Variants in FSTL4 observed in about 807,000 individuals in gnomAD.
FSTL4 encodes the protein follistatin like 4.
Under a neutral mutation model 78.2 loss-of-function variants are expected in FSTL4, and 28 were observed. The observed-to-expected ratio is 0.36, with a 90% CI of 0.27 to 0.49. The LOEUF (loss-of-function observed/expected upper bound fraction) is 0.49, where lower values mean the gene tolerates loss of function less well. FSTL4 is among the 20% of genes least tolerant of loss of function. FSTL4 has a pLI of 0.98. For missense variants in FSTL4, 922 were observed against 1,084.9 expected (o/e 0.85, Z 2.11); for synonymous variants, 422 against 440.5 (o/e 0.96, Z 0.53).
intron 4 of FSTL4, among the ~76,000 whole-genome samples, chr5:133,344,683 G>A (rs1197492348): frequency 1.3e-5 from 2 of 152,080 alleles, no homozygotes; most frequent in East Asian, 1.9e-4. Flanking sequence ...TAGCACATAC[G>A]TATTCTTCAT....
At chr5:133,617,649 C>A in the FSTL4 span, among the ~76,000 whole-genome samples, 1 of 152,282 alleles carries the variant, frequency 6.6e-6, no homozygotes, top group Non-Finnish European at 1.5e-5. Flanking sequence ...TGAGCTTTCC[C>A]CTTCCCTGCA....
At chr5:133,349,389 G>A (rs1049709578) in intron 4 of FSTL4, among the ~76,000 whole-genome samples, 10 of 151,644 alleles carry the variant, frequency 6.6e-5, no homozygotes, top group Non-Finnish European at 1.0e-4. Flanking sequence ...AGCTTCCAGC[G>A]GTGCAGAAGT....
chr5:133,685,538 T>C, the FSTL4 span, among the ~76,000 whole-genome samples: 1 of 152,226 alleles, frequency 6.6e-6, no homozygotes, highest in Non-Finnish European at 1.5e-5. Context: ...GACAGTGAAG[T>C]GCTGCATTCA....
chr5:133,620,866 G>A, the FSTL4 span, among the ~76,000 whole-genome samples: 1 of 152,210 alleles, frequency 6.6e-6, no homozygotes, highest in African/African-American at 2.4e-5. Flanking sequence ...ATGGAAAACA[G>A]TGCGGAGATT....
intron 7 of FSTL4, among the ~76,000 whole-genome samples, chr5:133,235,371 C>A (rs563275804): frequency 2.6e-5 from 4 of 151,822 alleles, no homozygotes; most frequent in Admixed American, 2.6e-4. Flanking sequence ...TGGAGGCGGG[C>A]GCCTGTAGTC....
the FSTL4 span, among the ~76,000 whole-genome samples, chr5:133,804,453 C>T: frequency 6.6e-6 from 1 of 152,178 alleles, no homozygotes; most frequent in African/African-American, 2.4e-5. Flanking sequence ...GTGAACTTAA[C>T]CTAGTGGGTA....
intron 4 of FSTL4, among the ~76,000 whole-genome samples, chr5:133,372,352 C>A (rs578036223): frequency 1.3e-5 from 2 of 151,956 alleles, no homozygotes; most frequent in Admixed American, 6.6e-5. Context: ...AGTCTTTGCC[C>A]CCTGGAGGTC....
At chr5:133,494,871 A>G (rs1339718163) in intron 3 of FSTL4, among the ~76,000 whole-genome samples, 1 of 152,240 alleles carries the variant, frequency 6.6e-6, no homozygotes, top group African/African-American at 2.4e-5. Context: ...AAGGCATCTT[A>G]TGCAAATGTT....
At chr5:133,466,945 A>G (rs1757721957) in intron 3 of FSTL4, among the ~76,000 whole-genome samples, 1 of 146,912 alleles carries the variant, frequency 6.8e-6, no homozygotes, top group African/African-American at 2.7e-5. Flanking sequence ...TGAGTGTGTG[A>G]GTACGAGTGA....
intron 14 of FSTL4, among the ~76,000 whole-genome samples, chr5:133,203,876 C>G (rs1468639961): frequency 6.6e-6 from 1 of 152,218 alleles, no homozygotes; most frequent in Non-Finnish European, 1.5e-5. Flanking sequence ...GGCCATTGAA[C>G]TGATGTGGGC....
In FSTL4 at chr5:133,375,291, C is replaced by CATATATATATGTATGTGTATATATAT. The variant is rs67110507; in HGVS notation, c.409+25446_409+25447insATATATATACACATACATATATATAT. The stretch of plus-strand genomic sequence containing the variant: ...AACCCAAAACATAGGGTGTGCATGG[C>CATATATATATGTATGTGTATATATAT]ATATATATATATATATATATAAAAG... On this transcript the variant is annotated intron_variant, in intron 4 of 15. Transcript: ENST00000265342. Among the ~76,000 whole-genome samples, 4 of 57,916 alleles carry CATATATATATGTATGTGTATATATAT rather than the reference C, an allele frequency of 6.9e-5. 1 individual carries two copies. Among genetic ancestry groups the CATATATATATGTATGTGTATATATAT allele is most frequent in the African/African-American group, 1.8e-4 (4 of 22,804 alleles). The allele number at this position is 57,916 out of a possible 152,430, so 38.0% of individuals were successfully genotyped here.
intron 3 of FSTL4, among the ~76,000 whole-genome samples, chr5:133,550,770 A>C (rs1458203889): frequency 6.6e-6 from 1 of 152,258 alleles, no homozygotes; most frequent in African/African-American, 2.4e-5. Context: ...ACACAGAAGG[A>C]GACAACTCTC....
At chr5:133,528,892 C>A (rs1286758939) in intron 3 of FSTL4, among the ~76,000 whole-genome samples, 2 of 152,210 alleles carry the variant, frequency 1.3e-5, no homozygotes, top group Non-Finnish European at 2.9e-5. Context: ...CTATCTCCAG[C>A]CTCTCTTGCC....
chr5:133,750,735 G>A, the FSTL4 span, among the ~76,000 whole-genome samples: 4 of 152,110 alleles, frequency 2.6e-5, no homozygotes, highest in Admixed American at 2.0e-4. Context: ...CCCAGATGTG[G>A]GATCCACTGC....
chr5:133,784,678 T>C, the FSTL4 span, among the ~76,000 whole-genome samples: 1 of 151,896 alleles, frequency 6.6e-6, no homozygotes, highest in Admixed American at 6.6e-5. Flanking sequence ...AAGATTTTGC[T>C]CTTGCCTAGC....
At chr5:133,442,977 G>A (rs1198309255) in intron 3 of FSTL4, among the ~76,000 whole-genome samples, 1 of 152,188 alleles carries the variant, frequency 6.6e-6, no homozygotes, top group African/African-American at 2.4e-5. Context: ...AGTCAAATCT[G>A]GTGATTTTTA....
chr5:133,409,122 C>G (rs1369748555), intron 3 of FSTL4, among the ~76,000 whole-genome samples: 2 of 152,180 alleles, frequency 1.3e-5, no homozygotes, highest in African/African-American at 2.4e-5. Flanking sequence ...TCACTGGACC[C>G]TTATAAACTC....
intron 6 of FSTL4, among the ~76,000 whole-genome samples, chr5:133,284,638 C>T (rs370671220): frequency 6.6e-6 from 1 of 152,320 alleles, no homozygotes; most frequent in Admixed American, 6.5e-5. Flanking sequence ...CTTGGACACT[C>T]GCTCTTTTTC....
the FSTL4 span, among the ~76,000 whole-genome samples, chr5:133,811,305 C>G: frequency 5.3e-5 from 8 of 152,206 alleles, no homozygotes; most frequent in Non-Finnish European, 1.2e-4. Context: ...GGTTTGGTTT[C>G]ATACCTAGGG....
Sources: gnomAD v4.1 joint callset for allele counts (sites outside exome capture counted in the v4.1 genomes callset) on GRCh38, gnomAD v4.1.1 for gene constraint, MANE v1.5 for transcripts, NCBI Gene and HGNC (gene_info 2026-07-23, HGNC 2026-07-21) for gene names.